Variants in PLCB1 observed in about 807,000 individuals in gnomAD.
PLCB1 encodes the protein phospholipase C beta 1.
PLCB1 carries 46 observed loss-of-function variants against 161.8 expected under a neutral mutation model. The observed-to-expected ratio is 0.28, with a 90% CI of 0.22 to 0.36. The LOEUF is 0.36. PLCB1 is among the 10% of genes least tolerant of loss of function. PLCB1 has a pLI of 1.00. For synonymous variants in PLCB1, 517 were observed against 503.7 expected (o/e 1.03, Z -0.35); for missense variants, 1,016 against 1,472.5 (o/e 0.69, Z 5.07).
At chr20:8,400,385 G>A (rs1978497556) in intron 3 of PLCB1, among the ~76,000 whole-genome samples, 1 of 152,238 alleles carries the variant, frequency 6.6e-6, no homozygotes, top group South Asian at 2.1e-4. Flanking sequence ...TTTGGGAAAT[G>A]AAAATTAAAA....
chr20:8,556,653 TTGGGTG>T (rs1252116600), intron 3 of PLCB1, among the ~76,000 whole-genome samples: 11 of 110,578 alleles, frequency 9.9e-5, no homozygotes, highest in South Asian at 6.5e-4. Flanking sequence ...TAGGAGAGGG[TTGGGTG>T]TGTGTGTGTG....
chr20:8,507,129 G>C (rs972619915), intron 3 of PLCB1, among the ~76,000 whole-genome samples: 14 of 152,160 alleles, frequency 9.2e-5, no homozygotes, highest in Non-Finnish European at 2.1e-4. Context: ...AAATTGCAAG[G>C]AAGAGAAAAT....
intron 31 of PLCB1, among the ~76,000 whole-genome samples, chr20:8,834,737 C>G: frequency 6.9e-6 from 1 of 144,344 alleles, no homozygotes; most frequent in South Asian, 2.3e-4. Context: ...ATTGCTTGAA[C>G]CTGGGAGGCA....
At chr20:8,295,124 A>G (rs1170877526) in intron 2 of PLCB1, among the ~76,000 whole-genome samples, 1 of 152,206 alleles carries the variant, frequency 6.6e-6, no homozygotes, top group East Asian at 1.9e-4. Flanking sequence ...ACAGGACTAC[A>G]TTTAACACAG....
intron 9 of PLCB1, among the ~76,000 whole-genome samples, chr20:8,663,330 CAT>C (rs950350008): frequency 7.9e-5 from 12 of 151,900 alleles, no homozygotes; most frequent in Non-Finnish European, 1.6e-4. Context: ...ACAAACCTGA[CAT>C]ATGCTGTTTA....
intron 31 of PLCB1, among the ~76,000 whole-genome samples, chr20:8,830,098 A>G (rs1051964401): frequency 2.6e-5 from 4 of 152,236 alleles, no homozygotes; most frequent in Non-Finnish European, 5.9e-5. Context: ...TTCACTGCGT[A>G]TCGTTTCCAG....
chr20:8,651,318 T>C, intron 7 of PLCB1: 2 of 652,894 alleles, frequency 3.1e-6, no homozygotes, highest in East Asian at 2.7e-5. Context: ...ATTATTGTTG[T>C]GAAGACTTTT....
intron 2 of PLCB1, among the ~76,000 whole-genome samples, chr20:8,322,884 T>G (rs1984979565): frequency 6.6e-6 from 1 of 152,158 alleles, no homozygotes; most frequent in Non-Finnish European, 1.5e-5. Flanking sequence ...ATGTGTTGAA[T>G]TGTTTGAGGC....
chr20:8,264,282 G>A (rs1207185847), intron 2 of PLCB1, among the ~76,000 whole-genome samples: 1 of 152,026 alleles, frequency 6.6e-6, no homozygotes, highest in Non-Finnish European at 1.5e-5. Context: ...CTGCAGGGGC[G>A]ATAATATGCA....
intron 1 of PLCB1, among the ~76,000 whole-genome samples, chr20:8,140,878 A>T (rs2051395995): frequency 6.6e-6 from 1 of 151,816 alleles, no homozygotes; most frequent in African/African-American, 2.4e-5. Context: ...GGCTCACCGC[A>T]ACCTCTGCCT....
chr20:8,481,995 C>A, intron 3 of PLCB1, among the ~76,000 whole-genome samples: 1 of 150,354 alleles, frequency 6.7e-6, no homozygotes. Context: ...TTTTCATGAA[C>A]ATTCGCAGCT....
intron 31 of PLCB1, among the ~76,000 whole-genome samples, chr20:8,864,227 A>C (rs959761162): frequency 1.6e-4 from 25 of 152,222 alleles, no homozygotes; most frequent in African/African-American, 6.0e-4. Flanking sequence ...AATGTGCAAA[A>C]AGACTGGCAT....
intron 2 of PLCB1, among the ~76,000 whole-genome samples, chr20:8,271,509 T>A (rs1982278722): frequency 6.6e-6 from 1 of 152,152 alleles, no homozygotes; most frequent in African/African-American, 2.4e-5. Context: ...AGTTCATGGT[T>A]CTTATTTGTT....
At chr20:8,315,561 C>T (rs765097522) in intron 2 of PLCB1, among the ~76,000 whole-genome samples, 3 of 152,146 alleles carry the variant, frequency 2.0e-5, no homozygotes, top group African/African-American at 7.2e-5. Flanking sequence ...TACCCTTTCT[C>T]ACTTGTGTTC....
chr20:8,523,496 C>CTCTCTCTCTA, intron 3 of PLCB1, among the ~76,000 whole-genome samples: 7 of 51,652 alleles, frequency 1.4e-4, no homozygotes, highest in Middle Eastern at 0.012. Context: ...CTCTCTCTCT[C>CTCTCTCTCTA]TATATATATA....
At chr20:8,521,908 T>C (rs1490232381) in intron 3 of PLCB1, among the ~76,000 whole-genome samples, 1 of 152,086 alleles carries the variant, frequency 6.6e-6, no homozygotes, top group Non-Finnish European at 1.5e-5. Flanking sequence ...AGTTCGGGAG[T>C]GCAAACTATA....
chr20:8,616,740 C>A (rs1988050095), intron 3 of PLCB1, among the ~76,000 whole-genome samples: 1 of 152,210 alleles, frequency 6.6e-6, no homozygotes, highest in Admixed American at 6.5e-5. Context: ...CACTGGTCAA[C>A]AGCAGAGCCT....
chr20:8,159,964 G>C (rs1387904836), intron 2 of PLCB1, among the ~76,000 whole-genome samples: 1 of 142,804 alleles, frequency 7.0e-6, no homozygotes, highest in Admixed American at 7.3e-5. Flanking sequence ...CTCCAGCCTG[G>C]GCAACAAGAG....
intron 3 of PLCB1, among the ~76,000 whole-genome samples, chr20:8,421,984 C>A (rs1979555863): frequency 6.6e-6 from 1 of 152,166 alleles, no homozygotes; most frequent in Non-Finnish European, 1.5e-5. Flanking sequence ...AGCATTTAAG[C>A]AATATTACAA....
Sources: allele counts gnomAD v4.1 joint callset (sites outside exome capture counted in the v4.1 genomes callset), GRCh38; gene constraint gnomAD v4.1.1; transcripts MANE v1.5; gene names NCBI Gene and HGNC (gene_info 2026-07-23, HGNC 2026-07-21).